SELENOH: variants seen among roughly 807,000 people sequenced by gnomAD.
SELENOH encodes selenoprotein H.
Under a neutral mutation model 11.9 loss-of-function variants are expected in SELENOH, and 13 were observed. The observed-to-expected ratio is 1.09, with a 90% confidence interval of 0.71 to 1.74. The LOEUF (loss-of-function observed/expected upper bound fraction) is 1.74, where lower values mean the gene tolerates loss of function less well. SELENOH is among the 40% of genes most tolerant of loss of function. The probability of loss-of-function intolerance (pLI) is 0.00; values close to 1 mark genes in which losing one functional copy is unlikely to be tolerated. For synonymous variants in SELENOH, 96 were observed against 73.5 expected, an observed-to-expected ratio of 1.31 and a Z score of -1.56; for missense variants, 223 against 170.3, an observed-to-expected ratio of 1.31 and a Z score of -1.72.
Position 57,741,535 on chromosome 11 carries a change from G to A in SELENOH, c.-61G>A. 3 of 1,230,480 alleles carry A rather than the reference G, an allele frequency of 2.4e-6. No homozygotes were observed. In the East Asian group the frequency reaches 9.6e-5, roughly 39 times the overall value. 76.2% of individuals were successfully genotyped at this position (1,230,480 alleles called of 1,614,324 possible). On this transcript the variant is annotated 5_prime_UTR_variant, in exon 1 of 4. Transcript: ENST00000534355. ...CTTCGTTGCCCAGTTTCCGCTCAGTGGTCGCGTCTCCGCCCCCCACCCACC... is the reference window on the plus strand; with the variant it reads ...CTTCGTTGCCCAGTTTCCGCTCAGTAGTCGCGTCTCCGCCCCCCACCCACC...
chr11:57,741,934 T>C lies in SELENOH; in HGVS notation c.248T>C (p.Leu83Pro), dbSNP rs754199251. Residue 83 changes from leucine (L) to proline (P), a missense_variant, in exon 2 of 4, where the codon CTG becomes CCG. Transcript: ENST00000534355. ...CGGAGGGGCAGCTTCGAGGTGACGC[T>C]GCTGCGCCCGGACGGCAGCAGTAAG... ...KPRRGSFEVT[L>P]LRPDGSSAEL... 22 of 1,589,484 alleles carry C rather than the reference T, an allele frequency of 1.4e-5. No individual in the cohort carries two copies. Among genetic ancestry groups the C allele is most frequent in the South Asian group, 3.4e-5 (3 of 87,582 alleles).
rs1203763724 is a variant in SELENOH, at chr11:57,741,905, G to A, written c.219G>A (p.Lys73=). 41 of 1,593,576 alleles carry A rather than the reference G, an allele frequency of 2.6e-5. No homozygotes were observed. Among genetic ancestry groups the A allele is most frequent in the Non-Finnish European group, 3.5e-5 (41 of 1,174,494 alleles). Residue 73 remains lysine, a synonymous_variant, in exon 2 of 4, where the codon AAG becomes AAA. Coordinates refer to ENST00000534355, the MANE Select transcript of SELENOH (RefSeq NM_170746.4). ...TTCCAGTAAAGGTGAACCCGACGAA[G>A]CCCCGGAGGGGCAGCTTCGAGGTGA... is the stretch of plus-strand genomic sequence containing the variant. ...PELPVKVNPT[K]PRRGSFEVTL... is the part of the protein sequence containing the mutation.
At position 57,741,718 on chromosome 11, in the gene SELENOH, G is replaced by T. The variant is rs112893850; in HGVS notation, c.122+1G>T. 1.9e-6 allele frequency: 3 copies of T among 1,581,408 alleles called. No individual in the cohort carries two copies. In the Admixed American group the frequency reaches 5.8e-5, roughly 30 times the overall value. ...AGGCGACCGTTGTTATCGAGCATTGGTGAGGGGCCTGGAGAGTAACGGGAG... is the reference window on the plus strand; with the variant it reads ...AGGCGACCGTTGTTATCGAGCATTGTTGAGGGGCCTGGAGAGTAACGGGAG... On this transcript the variant is annotated splice_donor_variant, in intron 1 of 3. Coordinates refer to ENST00000534355, the MANE Select transcript of SELENOH (RefSeq NM_170746.4). LOFTEE classifies it high-confidence loss of function.
intron 2 of SELENOH, 54 bp downstream of exon 2, chr11:57,742,008 T>C: frequency 6.3e-7 from 1 of 1,581,668 alleles, no homozygotes; most frequent in South Asian, 1.2e-5. Context: ...GGGACGTGGG[T>C]TCCGAAGACA....
rs533610589 is a variant in SELENOH at position 57,741,541 on chromosome 11, G to A, written c.-55G>A. The A allele has an allele frequency of 2.6e-5, 32 of 1,236,856 alleles. No homozygotes were observed. In the African/African-American group the frequency reaches 4.0e-4, roughly 16 times the overall value. The allele number at this position is 1,236,856 out of a possible 1,614,324, so 76.6% of individuals were successfully genotyped here. A position where few individuals can be genotyped will look rare whatever the true frequency, so the allele number is the denominator to read the frequency against. ...TGCCCAGTTTCCGCTCAGTGGTCGCGTCTCCGCCCCCCACCCACCAGTCCC... is the reference window on the plus strand; with the variant it reads ...TGCCCAGTTTCCGCTCAGTGGTCGCATCTCCGCCCCCCACCCACCAGTCCC... On this transcript the variant is annotated 5_prime_UTR_variant, in exon 1 of 4. Transcript: ENST00000534355.
In SELENOH at chr11:57,742,105, C is replaced by G; in HGVS notation, c.269-12C>G. On this transcript the variant is annotated splice_polypyrimidine_tract_variant and intron_variant, in intron 2 of 3. Coordinates refer to ENST00000534355, the MANE Select transcript of SELENOH (RefSeq NM_170746.4). ...CGAAGTATTGTAACTTCGCTTCATT[C>G]TGGCCTTTCAGGTGCGGAGCTCTGG... 1 of 1,607,544 alleles carries G rather than the reference C, an allele frequency of 6.2e-7. No homozygotes were observed. Among genetic ancestry groups the G allele is most frequent in the Non-Finnish European group, 8.5e-7 (1 of 1,176,794 alleles).
rs1319922716 is a variant in SELENOH at position 57,741,555 on chromosome 11, C to T, written c.-41C>T. 1.6e-6 allele frequency: 2 copies of T among 1,245,754 alleles called. No individual in the cohort carries two copies. The highest frequency in any genetic ancestry group is 2.0e-6 in the Non-Finnish European group (2 of 988,440). The allele number at this position is 1,245,754 out of a possible 1,614,324, so 77.2% of individuals were successfully genotyped here. ...TCAGTGGTCGCGTCTCCGCCCCCCA[C>T]CCACCAGTCCCGCTGCATTCTCGGC... On this transcript the variant is annotated 5_prime_UTR_variant, in exon 1 of 4. Transcript: ENST00000534355.
intron 3 of SELENOH, 56 bp downstream of exon 3, chr11:57,742,303 C>A: frequency 1.5e-6 from 2 of 1,300,750 alleles, no homozygotes; most frequent in South Asian, 1.3e-5. Context: ...AGGCATTGAT[C>A]TTGGTGTGGC....
intron 2 of SELENOH, 78 bp from the exon 3 acceptor site, chr11:57,742,039 C>T: frequency 1.9e-6 from 3 of 1,582,348 alleles, no homozygotes; most frequent in Non-Finnish European, 2.6e-6. Flanking sequence ...TTCTTAGAAA[C>T]CACGGCAGTC....
rs375505508 is a variant in SELENOH, at chr11:57,741,952, G to C, written c.266G>C (p.Ser89Thr). 1.9e-6 allele frequency: 3 copies of C among 1,587,290 alleles called. No individual in the cohort carries two copies. Among genetic ancestry groups the C allele is most frequent in the African/African-American group, 1.4e-5 (1 of 73,324 alleles). The change falls in exon 2 of 4, where the codon AGC (serine) becomes ACC (threonine). Residue 89 changes from serine to threonine, a missense_variant and splice_region_variant. Transcript: ENST00000534355. Reference protein sequence around the residue: ...FEVTLLRPDGSSAELWTGIKK... With the variant: ...FEVTLLRPDGTSAELWTGIKK... ...GTGACGCTGCTGCGCCCGGACGGCA[G>C]CAGTAAGTGGGGACCTGGATGTGGG...
intron 1 of SELENOH, 46 bp downstream of exon 1, chr11:57,741,763 G>C (rs1216919896): frequency 1.3e-6 from 2 of 1,599,976 alleles, no homozygotes; most frequent in Non-Finnish European, 8.5e-7. Context: ...AGTGGCGCCG[G>C]GGGGGGCCAG....
Position 57,741,582 on chromosome 11 carries a change from G to C in SELENOH, c.-14G>C, listed in dbSNP as rs1590987687. The C allele has an allele frequency of 4.8e-6, 6 of 1,260,430 alleles. No individual in the cohort carries two copies. The highest frequency in any genetic ancestry group is 6.0e-6 in the Non-Finnish European group (6 of 995,746). 78.1% of individuals were successfully genotyped at this position (1,260,430 alleles called of 1,614,324 possible). On this transcript the variant is annotated 5_prime_UTR_variant, in exon 1 of 4. Coordinates refer to ENST00000534355, the MANE Select transcript of SELENOH (RefSeq NM_170746.4). ...CACCAGTCCCGCTGCATTCTCGGCC[G>C]GGCTCTAGGCGCCATGGCTCCCCGC...
In SELENOH at chr11:57,741,901, C is replaced by T; in HGVS notation, c.215C>T (p.Thr72Met). ...APELPVKVNP[T>M]KPRRGSFEVT... ...GAGCTTCCAGTAAAGGTGAACCCGACGAAGCCCCGGAGGGGCAGCTTCGAG... is the reference window on the plus strand; with the variant it reads ...GAGCTTCCAGTAAAGGTGAACCCGATGAAGCCCCGGAGGGGCAGCTTCGAG... The change falls in exon 2 of 4, where the codon ACG becomes ATG. Residue 72 changes from threonine to methionine, a missense_variant. Thr to Met is a moderately conservative substitution (Grantham distance 81). Coordinates refer to ENST00000534355, the MANE Select transcript of SELENOH (RefSeq NM_170746.4). 6.3e-7 allele frequency: 1 copy of T among 1,593,842 alleles called. No individual in the cohort carries two copies. The highest frequency in any genetic ancestry group is 8.5e-7 in the Non-Finnish European group (1 of 1,174,590).
intron 2 of SELENOH, 75 bp from the exon 3 acceptor site, chr11:57,742,042 C>T (rs1949096947): frequency 5.7e-6 from 9 of 1,583,460 alleles, no homozygotes; most frequent in South Asian, 4.6e-5. Flanking sequence ...TTAGAAACCA[C>T]GGCAGTCTCA....
Position 57,741,973 on chromosome 11 carries a change from G to A in SELENOH, c.268+19G>A, listed in dbSNP as rs1429402177. The A allele has an allele frequency of 6.3e-7, 1 of 1,582,484 alleles. No homozygotes were observed. Among genetic ancestry groups the A allele is most frequent in the Non-Finnish European group, 8.6e-7 (1 of 1,167,070 alleles). On this transcript the variant is annotated intron_variant, in intron 2 of 3. Coordinates refer to ENST00000534355, the MANE Select transcript of SELENOH (RefSeq NM_170746.4). ...GGCAGCAGTAAGTGGGGACCTGGAT[G>A]TGGGGGAGAGGGACGTGGGTGAAAG...
Position 57,742,133 on chromosome 11 carries a change from T to C in SELENOH, c.285T>C (p.Thr95=). The stretch of plus-strand genomic sequence containing the variant: ...GCCTTTCAGGTGCGGAGCTCTGGAC[T>C]GGGATTAAGAAGGGGCCCCCACGCA... The part of the protein sequence containing the change: ...RPDGSSAELW[T]GIKKGPPRKL... Residue 95 remains threonine, a synonymous_variant, in exon 3 of 4, where the codon ACT becomes ACC. Transcript: ENST00000534355. The C allele has an allele frequency of 6.2e-7, 1 of 1,611,762 alleles. No homozygotes were observed. Among genetic ancestry groups the C allele is most frequent in the Non-Finnish European group, 8.5e-7 (1 of 1,178,968 alleles).
Position 57,741,529 on chromosome 11 carries a change from C to T in SELENOH, c.-67C>T. On this transcript the variant is annotated 5_prime_UTR_variant, in exon 1 of 4. Transcript: ENST00000534355. ...TGCGCTCTTCGTTGCCCAGTTTCCG[C>T]TCAGTGGTCGCGTCTCCGCCCCCCA... 1 of 1,221,174 alleles carries T rather than the reference C, an allele frequency of 8.2e-7. No homozygotes were observed. The highest frequency in any genetic ancestry group is 1.0e-6 in the Non-Finnish European group (1 of 971,406). 75.6% of individuals were successfully genotyped at this position (1,221,174 alleles called of 1,614,324 possible). A position where few individuals can be genotyped will look rare whatever the true frequency, so the allele number is the denominator to read the frequency against.
Position 57,741,615 on chromosome 11 carries a change from A to T in SELENOH, c.20A>T (p.Lys7Met). MAPRGR[K>M]RKAEAAVVAV... ...GGCGCCATGGCTCCCCGCGGGAGGA[A>T]GCGTAAGGCTGAGGCCGCGGTGGTC... The change falls in exon 1 of 4, where the codon AAG becomes ATG. Residue 7 changes from lysine to methionine, a missense_variant. By Grantham distance (95) the Lys-to-Met change is moderately conservative. Transcript: ENST00000534355. 7.8e-7 allele frequency: 1 copy of T among 1,276,502 alleles called. No homozygotes were observed. The highest frequency in any genetic ancestry group is 3.4e-5 in the South Asian group (1 of 29,388). The allele number at this position is 1,276,502 out of a possible 1,614,324, so 79.1% of individuals were successfully genotyped here.
rs1216500715 is a variant in SELENOH, at chr11:57,743,409, T to G, written c.*577T>G. 1 of 152,180 alleles carries G rather than the reference T, an allele frequency of 6.6e-6. No homozygotes were observed. The highest frequency in any genetic ancestry group is 2.4e-5 in the African/African-American group (1 of 41,432). 9.4% of individuals were successfully genotyped at this position (152,180 alleles called of 1,614,324 possible). ...CCTGACCTCAAGTGATATGCCTGCC[T>G]TGACCTCCCAAAGTGCTGGGGTTAC... On this transcript the variant is annotated 3_prime_UTR_variant, in exon 4 of 4. Coordinates refer to ENST00000534355, the MANE Select transcript of SELENOH (RefSeq NM_170746.4).
Sources: gnomAD v4.1 joint callset for allele counts on GRCh38, gnomAD v4.1.1 for gene constraint, MANE v1.5 for transcripts, NCBI Gene and HGNC (gene_info 2026-07-23, HGNC 2026-07-21) for gene names.